The following MEGF10 variants were observed in gnomAD, a reference collection of about 807,000 sequenced individuals.
MEGF10 encodes the protein multiple EGF like domains 10, also known as multiple epidermal growth factor-like domains protein 10.
Under a neutral mutation model 147.5 loss-of-function variants are expected in MEGF10, and 86 were observed. The observed-to-expected ratio is 0.58, with a 90% confidence interval of 0.49 to 0.70. The LOEUF (loss-of-function observed/expected upper bound fraction) is 0.70, where lower values mean the gene tolerates loss of function less well. Ranked by LOEUF, MEGF10 falls within the 30% of genes least tolerant of loss-of-function variation. The probability of loss-of-function intolerance (pLI) is 0.00; values close to 1 mark genes in which losing one functional copy is unlikely to be tolerated. For synonymous variants in MEGF10, 478 were observed against 525.5 expected, an observed-to-expected ratio of 0.91 and a Z score of 1.24; for missense variants, 1,329 against 1,487.3, an observed-to-expected ratio of 0.89 and a Z score of 1.75.
the MEGF10 span, among the ~76,000 whole-genome samples, chr5:127,275,850 T>C: frequency 6.6e-6 from 1 of 152,152 alleles, no homozygotes; most frequent in South Asian, 2.1e-4. Context: ...GAAAAGATAT[T>C]TGTGAGACTA....
chr5:127,440,429 C>T (rs371063688), intron 17 of MEGF10, among the ~76,000 whole-genome samples: 3 of 152,278 alleles, frequency 2.0e-5, no homozygotes, highest in African/African-American at 7.2e-5. Context: ...AGGAAATGTC[C>T]TATTCTTCCA....
Position 127,438,587 on chromosome 5 carries a change from A to C in MEGF10, c.2233+20A>C. On this transcript the variant is annotated intron_variant, in intron 17 of 24. Coordinates refer to ENST00000503335, the MANE Select transcript of MEGF10 (RefSeq NM_001256545.2). ...CTCAGAGTAAGTGACAAGCCTTCTG[A>C]GGCTCACCAAGGGGAGCCTTGTCCA... is the stretch of plus-strand genomic sequence containing the variant. 6.2e-7 allele frequency: 1 copy of C among 1,612,374 alleles called. No homozygotes were observed.
At chr5:127,255,987 A>G in the MEGF10 span, among the ~76,000 whole-genome samples, 1 of 152,116 alleles carries the variant, frequency 6.6e-6, no homozygotes, top group Non-Finnish European at 1.5e-5. Context: ...CCACTGCCCC[A>G]ACAGGCACCA....
At chr5:127,375,931 C>T (rs1467716737) in intron 5 of MEGF10, among the ~76,000 whole-genome samples, 1 of 152,170 alleles carries the variant, frequency 6.6e-6, no homozygotes, top group South Asian at 2.1e-4. Context: ...GCATTGAATG[C>T]TGGGGATAAA....
At position 127,404,921 on chromosome 5, in the gene MEGF10, G is replaced by A. The variant is rs529383672; in HGVS notation, c.917+2239G>A. ...AGTAGAGATGGGGTTTCACTGTGTT[G>A]CCCAGGTTGGTATCGAACTCCTGAG... is the stretch of plus-strand genomic sequence containing the variant. On this transcript the variant is annotated intron_variant, in intron 8 of 24. Coordinates refer to ENST00000503335, the MANE Select transcript of MEGF10 (RefSeq NM_001256545.2). Among the ~76,000 whole-genome samples the A allele has an allele frequency of 2.6e-5, 4 of 152,188 alleles. No individual in the cohort carries two copies. In the Middle Eastern group the frequency reaches 0.014, roughly 518 times the overall value.
chr5:127,272,657 T>C, the MEGF10 span, among the ~76,000 whole-genome samples: 21 of 152,226 alleles, frequency 1.4e-4, no homozygotes, highest in Non-Finnish European at 2.9e-4. Context: ...CCTTGTTAGC[T>C]GTATTCCTTG....
At chr5:127,368,848 T>C (rs1417985941) in intron 4 of MEGF10, among the ~76,000 whole-genome samples, 1 of 152,222 alleles carries the variant, frequency 6.6e-6, no homozygotes, top group Non-Finnish European at 1.5e-5. Context: ...ACTGCCATTA[T>C]ATTAAGTGGA....
intron 4 of MEGF10, among the ~76,000 whole-genome samples, chr5:127,350,947 A>G (rs1369954794): frequency 1.3e-5 from 2 of 150,686 alleles, no homozygotes; most frequent in Non-Finnish European, 3.0e-5. Flanking sequence ...AAACAATTCA[A>G]TTATACTCAT....
chr5:127,253,272 A>T, the MEGF10 span, among the ~76,000 whole-genome samples: 1 of 152,004 alleles, frequency 6.6e-6, no homozygotes, highest in African/African-American at 2.4e-5. Flanking sequence ...AATATGATAA[A>T]GTATGAAGGA....
the MEGF10 span, among the ~76,000 whole-genome samples, chr5:127,265,776 T>C: frequency 2.0e-5 from 3 of 152,348 alleles, no homozygotes; most frequent in South Asian, 2.1e-4. Context: ...TGTTTGTTTT[T>C]TTCTTGTAAA....
intron 1 of MEGF10, among the ~76,000 whole-genome samples, chr5:127,319,085 C>T (rs1374292419): frequency 1.5e-5 from 2 of 132,816 alleles, no homozygotes; most frequent in African/African-American, 5.4e-5. Flanking sequence ...TCCTTTCTCT[C>T]TTCCTTTCTT....
At chr5:127,317,013 T>C (rs1452887038) in intron 1 of MEGF10, among the ~76,000 whole-genome samples, 8 of 152,174 alleles carry the variant, frequency 5.3e-5, no homozygotes, top group Non-Finnish European at 8.8e-5. Context: ...AAACCTCTAA[T>C]GTTTGGGGAA....
At chr5:127,391,573 TA>T (rs1346677209) in intron 5 of MEGF10, among the ~76,000 whole-genome samples, 24,748 of 113,536 alleles carry the variant, frequency 0.22, 2,134 homozygotes, top group African/African-American at 0.28. Flanking sequence ...CTGTCTAAAA[TA>T]AAAAAAAAAA....
At chr5:127,429,805 C>A (rs942178195) in intron 13 of MEGF10, among the ~76,000 whole-genome samples, 3 of 152,202 alleles carry the variant, frequency 2.0e-5, no homozygotes, top group African/African-American at 7.2e-5. Flanking sequence ...CCAGGCTCAA[C>A]ATCTTCTGGC....
At chr5:127,239,190 A>G in the MEGF10 span, among the ~76,000 whole-genome samples, 1 of 152,046 alleles carries the variant, frequency 6.6e-6, no homozygotes, top group Non-Finnish European at 1.5e-5. Flanking sequence ...AGGATAACAA[A>G]ATAAATGCAT....
intron 13 of MEGF10, chr5:127,424,620 G>A: frequency 8.1e-7 from 1 of 1,234,392 alleles, no homozygotes; most frequent in Non-Finnish European, 1.0e-6. Flanking sequence ...TTGATTTCTA[G>A]TGTCTGAGAG....
intron 13 of MEGF10, 138 bp downstream of exon 13, chr5:127,422,910 G>A (rs1046778910): frequency 3.0e-6 from 2 of 663,168 alleles, no homozygotes; most frequent in Admixed American, 2.6e-5. Flanking sequence ...CCAGTAAACT[G>A]AAACCTTTAA....
intron 16 of MEGF10, among the ~76,000 whole-genome samples, chr5:127,438,030 G>C (rs1223355756): frequency 6.6e-6 from 1 of 152,072 alleles, no homozygotes; most frequent in Non-Finnish European, 1.5e-5. Flanking sequence ...TTGTTGGTTG[G>C]TTGGTTGGTT....
At chr5:127,274,439 A>C in the MEGF10 span, among the ~76,000 whole-genome samples, 7,644 of 152,180 alleles carry the variant, frequency 0.05, 323 homozygotes, top group African/African-American at 0.11. Context: ...TTTTTTGGAG[A>C]TCTATGCTGA....
Sources: allele counts gnomAD v4.1 joint callset (sites outside exome capture counted in the v4.1 genomes callset), GRCh38; gene constraint gnomAD v4.1.1; transcripts MANE v1.5; gene names NCBI Gene and HGNC (gene_info 2026-07-23, HGNC 2026-07-21).